The following FNDC3B variants were observed in gnomAD, a reference collection of about 807,000 sequenced individuals.
The protein encoded by FNDC3B is fibronectin type III domain containing 3B.
Under a neutral mutation model 151.5 loss-of-function variants are expected in FNDC3B, and 12 were observed. The ratio of observed to expected loss-of-function variants is 0.08; its 90% CI spans 0.05 to 0.13. FNDC3B has a LOEUF of 0.13. FNDC3B is among the 10% of genes least tolerant of loss of function. FNDC3B has a pLI of 1.00. For synonymous variants in FNDC3B, 528 were observed against 549.0 expected (o/e 0.96, Z 0.54); for missense variants, 1,214 against 1,505.3 (o/e 0.81, Z 3.20).
At chr3:172,307,863 G>A (rs1038904742) in intron 10 of FNDC3B, among the ~76,000 whole-genome samples, 8 of 152,152 alleles carry the variant, frequency 5.3e-5, no homozygotes, top group African/African-American at 1.7e-4. Flanking sequence ...GCAAAATCTA[G>A]CTTTAGCTTT....
chr3:172,096,859 T>A lies in FNDC3B; in HGVS notation c.-28-15593T>A, dbSNP rs550174227. The stretch of plus-strand genomic sequence containing the variant: ...TGTGGGAATAAAAATACGGGCCAAA[T>A]ATTTTTAAAAGGTATGGGATGAGGG... On this transcript the variant is annotated intron_variant, in intron 1 of 25. Coordinates refer to ENST00000415807, the MANE Select transcript of FNDC3B (RefSeq NM_022763.4). 5.9e-5 allele frequency among the ~76,000 whole-genome samples: 9 copies of A among 152,142 alleles called. No homozygotes were observed. The East Asian group carries it at 1.4e-3, about 23-fold the overall frequency.
chr3:172,161,785 C>T (rs1454212726), intron 3 of FNDC3B, among the ~76,000 whole-genome samples: 1 of 152,174 alleles, frequency 6.6e-6, no homozygotes, highest in African/African-American at 2.4e-5. Context: ...TCCATCACTA[C>T]AGTCAGTTTT....
chr3:172,095,531 T>G (rs1576857926), intron 1 of FNDC3B, among the ~76,000 whole-genome samples: 1 of 152,108 alleles, frequency 6.6e-6, no homozygotes, highest in South Asian at 2.1e-4. Context: ...TAGAGAGGGG[T>G]TTTGTTTAAT....
At chr3:172,393,128 G>A (rs1010907351) in intron 25 of FNDC3B, among the ~76,000 whole-genome samples, 2 of 151,794 alleles carry the variant, frequency 1.3e-5, no homozygotes, top group African/African-American at 2.4e-5. Context: ...AGACCCAACA[G>A]TATGCTGCCT....
chr3:172,236,615 G>T (rs557602380), intron 4 of FNDC3B, among the ~76,000 whole-genome samples: 1 of 152,108 alleles, frequency 6.6e-6, no homozygotes, highest in Non-Finnish European at 1.5e-5. Context: ...ATGAGGCCTC[G>T]TGGTTCTCTG....
intron 3 of FNDC3B, among the ~76,000 whole-genome samples, chr3:172,209,262 G>A (rs1162250178): frequency 2.0e-5 from 3 of 152,160 alleles, no homozygotes; most frequent in Admixed American, 6.5e-5. Context: ...GGCAGAGGGC[G>A]GGAGGGCTGT....
intron 1 of FNDC3B, among the ~76,000 whole-genome samples, chr3:172,097,529 CTT>C (rs1719151434): frequency 2.0e-5 from 3 of 152,238 alleles, no homozygotes; most frequent in South Asian, 4.1e-4. Flanking sequence ...AAAAAGTTAA[CTT>C]ATATCATTAT....
intron 7 of FNDC3B, among the ~76,000 whole-genome samples, chr3:172,291,925 A>G (rs1730364106): frequency 6.6e-6 from 1 of 152,170 alleles, no homozygotes; most frequent in African/African-American, 2.4e-5. Flanking sequence ...ATGAACCTAG[A>G]TAGAGTTCCT....
intron 1 of FNDC3B, among the ~76,000 whole-genome samples, chr3:172,042,004 A>G (rs968058294): frequency 6.6e-6 from 1 of 152,218 alleles, no homozygotes; most frequent in African/African-American, 2.4e-5. Context: ...TGATTAAAAA[A>G]AAAATCAGTC....
chr3:172,151,922 G>A (rs191689449), intron 3 of FNDC3B, among the ~76,000 whole-genome samples: 1 of 152,144 alleles, frequency 6.6e-6, no homozygotes, highest in East Asian at 1.9e-4. Flanking sequence ...GTATTTCTCT[G>A]GTTTTCAGTA....
intron 6 of FNDC3B, among the ~76,000 whole-genome samples, chr3:172,279,276 A>G (rs1006134416): frequency 6.6e-6 from 1 of 152,186 alleles, no homozygotes; most frequent in African/African-American, 2.4e-5. Context: ...AATAGCAACA[A>G]AAGCTCAGAG....
chr3:172,322,287 A>C (rs1439365938), intron 11 of FNDC3B, among the ~76,000 whole-genome samples: 1 of 152,200 alleles, frequency 6.6e-6, no homozygotes, highest in East Asian at 1.9e-4. Context: ...GGGGCTCTTC[A>C]CATGGCCTGG....
chr3:172,387,564 G>A (rs1021770087), intron 25 of FNDC3B, among the ~76,000 whole-genome samples: 3 of 152,084 alleles, frequency 2.0e-5, no homozygotes, highest in Non-Finnish European at 4.4e-5. Context: ...AAAAACCATC[G>A]TTTATTTTAC....
At chr3:172,263,697 A>G (rs1350972878) in intron 6 of FNDC3B, among the ~76,000 whole-genome samples, 1 of 149,598 alleles carries the variant, frequency 6.7e-6, no homozygotes, top group Non-Finnish European at 1.5e-5. Flanking sequence ...ACAGTTTTCA[A>G]TTTGAAAACT....
intron 2 of FNDC3B, among the ~76,000 whole-genome samples, chr3:172,125,186 A>G (rs182101125): frequency 1.4e-4 from 22 of 152,320 alleles, no homozygotes; most frequent in Non-Finnish European, 3.2e-4. Context: ...CATGATCTCC[A>G]CATTAACTCC....
intron 3 of FNDC3B, among the ~76,000 whole-genome samples, chr3:172,218,652 A>G (rs1315046782): frequency 6.6e-6 from 1 of 152,210 alleles, no homozygotes; most frequent in Non-Finnish European, 1.5e-5. Flanking sequence ...TCCTGCAACA[A>G]CCCTTGAAAT....
At chr3:172,297,420 A>G (rs1257508246) in intron 8 of FNDC3B, among the ~76,000 whole-genome samples, 1 of 152,150 alleles carries the variant, frequency 6.6e-6, no homozygotes, top group Non-Finnish European at 1.5e-5. Flanking sequence ...ACTCTGCTTT[A>G]TCATTTGAAC....
intron 3 of FNDC3B, among the ~76,000 whole-genome samples, chr3:172,212,530 GC>G (rs1195216226): frequency 6.6e-6 from 1 of 152,160 alleles, no homozygotes; most frequent in Non-Finnish European, 1.5e-5. Flanking sequence ...TTTCAAAAAG[GC>G]CTAGAAATTT....
At chr3:172,362,868 C>T in intron 23 of FNDC3B, 23 bp downstream of exon 23, 2 of 1,566,390 alleles carry the variant, frequency 1.3e-6, no homozygotes, top group Non-Finnish European at 1.8e-6. Context: ...TGAGGATGCT[C>T]CTGAAGCTTC....
Sources: allele counts gnomAD v4.1 joint callset (sites outside exome capture counted in the v4.1 genomes callset), GRCh38; gene constraint gnomAD v4.1.1; transcripts MANE v1.5; gene names NCBI Gene and HGNC (gene_info 2026-07-23, HGNC 2026-07-21).